Variants in C1orf94 observed in about 807,000 individuals in gnomAD.
The protein encoded by C1orf94 is uncharacterized protein C1orf94.
Under a neutral mutation model 53.6 loss-of-function variants are expected in C1orf94, and 45 were observed. The observed-to-expected ratio is 0.84, with a 90% CI of 0.66 to 1.08. C1orf94 has a LOEUF of 1.08. Ranked by LOEUF, C1orf94 falls within the 50% of genes least tolerant of loss-of-function variation. C1orf94 has a pLI of 0.00. For synonymous variants in C1orf94, 304 were observed against 296.1 expected, an observed-to-expected ratio of 1.03 and a Z score of -0.27; for missense variants, 762 against 738.9, an observed-to-expected ratio of 1.03 and a Z score of -0.36.
chr1:34,216,542 T>G (rs922200935), intron 6 of C1orf94, among the ~76,000 whole-genome samples: 1 of 151,922 alleles, frequency 6.6e-6, no homozygotes, highest in African/African-American at 2.4e-5. Flanking sequence ...CTGGGGAGTA[T>G]GCATGGGCCT....
intron 4 of C1orf94, among the ~76,000 whole-genome samples, chr1:34,204,470 A>T (rs1333212929): frequency 6.6e-6 from 1 of 152,142 alleles, no homozygotes; most frequent in Non-Finnish European, 1.5e-5. Flanking sequence ...TCATATTAGT[A>T]GTCTATTGTC....
intron 1 of C1orf94, among the ~76,000 whole-genome samples, chr1:34,168,018 TACAC>T (rs1172924186): frequency 6.6e-6 from 1 of 152,112 alleles, no homozygotes; most frequent in Non-Finnish European, 1.5e-5. Context: ...TGTATACAAA[TACAC>T]ATAAAGTTAC....
At chr1:34,184,908 G>A (rs966345729) in intron 1 of C1orf94, among the ~76,000 whole-genome samples, 10 of 151,988 alleles carry the variant, frequency 6.6e-5, no homozygotes, top group African/African-American at 2.4e-4. Context: ...ACTCAGATAC[G>A]GAAACTCAGG....
chr1:34,218,721 G>T lies in C1orf94; in HGVS notation c.1757G>T (p.Ser586Ile). 6.2e-7 allele frequency: 1 copy of T among 1,612,566 alleles called. No homozygotes were observed. Among genetic ancestry groups the T allele is most frequent in the Non-Finnish European group, 8.5e-7 (1 of 1,179,050 alleles). ...GSTSGGPLMH[S>I]PYFSSSGNGI... ...ACATCCGGAGGGCCCTTGATGCACAGCCCCTATTTTTCTTCCAGTGGGAAT... is the reference window on the plus strand; with the variant it reads ...ACATCCGGAGGGCCCTTGATGCACATCCCCTATTTTTCTTCCAGTGGGAAT... The change falls in exon 7 of 7, where the codon AGC (serine) becomes ATC (isoleucine). Residue 586 changes from serine to isoleucine, a missense_variant. Transcript: ENST00000488417.
At position 34,212,409 on chromosome 1, in the gene C1orf94, G is replaced by A; in HGVS notation, c.1721+3G>A. Reference sequence around the variant, plus strand: ...TACCTCTTTCCCCAAGGATATGGGTGAGTCAGCCCACACTGGGAGCCTAAG... The same window carrying A: ...TACCTCTTTCCCCAAGGATATGGGTAAGTCAGCCCACACTGGGAGCCTAAG... On this transcript the variant is annotated splice_donor_region_variant and intron_variant, in intron 6 of 6. Coordinates refer to ENST00000488417, the MANE Select transcript of C1orf94 (RefSeq NM_001134734.2). 6.2e-7 allele frequency: 1 copy of A among 1,608,016 alleles called. No individual in the cohort carries two copies.
Position 34,190,039 on chromosome 1 carries a change from C to T in C1orf94, c.321-7186C>T, listed in dbSNP as rs139671121. Among the ~76,000 whole-genome samples, 768 of 152,316 alleles carry T rather than the reference C, an allele frequency of 5.0e-3. 5 individuals carry two copies. Among genetic ancestry groups the T allele is most frequent in the African/African-American group, 0.018 (728 of 41,566 alleles). ...ACATGGGCCTGGGGCCCAATTCCAC[C>T]CCAACACTTATTCTCTAGGGTCAAT... On this transcript the variant is annotated intron_variant, in intron 1 of 6. Coordinates refer to ENST00000488417, the MANE Select transcript of C1orf94 (RefSeq NM_001134734.2).
chr1:34,186,325 T>C (rs866915483), intron 1 of C1orf94, among the ~76,000 whole-genome samples: 1 of 152,178 alleles, frequency 6.6e-6, no homozygotes, highest in Non-Finnish European at 1.5e-5. Context: ...TGAAATGATA[T>C]ATGTAGAGCT....
At chr1:34,171,394 C>T (rs571689990) in intron 1 of C1orf94, among the ~76,000 whole-genome samples, 18 of 152,230 alleles carry the variant, frequency 1.2e-4, no homozygotes, top group African/African-American at 4.3e-4. Context: ...TTTGTCAGTG[C>T]CATTCAGAGT....
intron 1 of C1orf94, among the ~76,000 whole-genome samples, chr1:34,189,188 C>A (rs762339845): frequency 4.6e-5 from 7 of 151,310 alleles, no homozygotes; most frequent in Non-Finnish European, 7.4e-5. Context: ...TATGTGTGTG[C>A]ACATGGGTGT....
intron 1 of C1orf94, among the ~76,000 whole-genome samples, chr1:34,187,425 G>T (rs569070753): frequency 4.6e-5 from 7 of 152,136 alleles, no homozygotes; most frequent in African/African-American, 1.7e-4. Flanking sequence ...CATGATTAAC[G>T]TCCCACTTCC....
chr1:34,180,578 G>T (rs991451897), intron 1 of C1orf94, among the ~76,000 whole-genome samples: 2 of 152,212 alleles, frequency 1.3e-5, no homozygotes, highest in Non-Finnish European at 2.9e-5. Flanking sequence ...ACCCAAGACC[G>T]CCTTGGCCCT....
chr1:34,200,784 G>A lies in C1orf94; in HGVS notation c.1022G>A (p.Gly341Asp), dbSNP rs747349040. The stretch of plus-strand genomic sequence containing the variant: ...TTTCCTGCTACAGAATGGAGCCCTG[G>A]CACCAAGGAGCCAAAAAAGGGTCAA... ...ERHHLMEWSP[G>D]TKEPKKGQGS... The change falls in exon 3 of 7, where the codon GGC (glycine) becomes GAC (aspartate). Residue 341 changes from glycine to aspartate, a missense_variant. By Grantham distance (94) the Gly-to-Asp change is moderately conservative (BLOSUM62 -1). Transcript: ENST00000488417. 3.1e-6 allele frequency: 5 copies of A among 1,613,990 alleles called. No homozygotes were observed. In the East Asian group the frequency reaches 1.1e-4, roughly 36 times the overall value.
intron 1 of C1orf94, among the ~76,000 whole-genome samples, chr1:34,181,802 A>C (rs1489863288): frequency 2.0e-5 from 3 of 152,218 alleles, no homozygotes; most frequent in Non-Finnish European, 4.4e-5. Flanking sequence ...CTGGGTGTCA[A>C]GGAAGGCTTC....
intron 1 of C1orf94, among the ~76,000 whole-genome samples, chr1:34,184,834 G>GTT (rs897127185): frequency 6.8e-6 from 1 of 147,750 alleles, no homozygotes; most frequent in Admixed American, 6.8e-5. Flanking sequence ...GTTTTTTTTG[G>GTT]TTTTTTTTTT....
intron 1 of C1orf94, among the ~76,000 whole-genome samples, chr1:34,195,812 G>A (rs531492861): frequency 8.6e-5 from 13 of 151,156 alleles, no homozygotes; most frequent in East Asian, 3.9e-4. Context: ...GTGTGTGTGC[G>A]TTTGTACACA....
intron 1 of C1orf94, among the ~76,000 whole-genome samples, chr1:34,193,834 C>T (rs761456715): frequency 9.9e-5 from 15 of 152,192 alleles, no homozygotes; most frequent in Admixed American, 7.9e-4. Flanking sequence ...GGATATCCTG[C>T]GGCAACCTTT....
At chr1:34,189,606 G>A (rs2148614903) in intron 1 of C1orf94, among the ~76,000 whole-genome samples, 2 of 150,194 alleles carry the variant, frequency 1.3e-5, no homozygotes, top group East Asian at 3.9e-4. Flanking sequence ...GTGCCCACCG[G>A]CCTTGGCCTG....
In C1orf94 at chr1:34,202,252, A is replaced by T; in HGVS notation, c.1439A>T (p.Gln480Leu). The change falls in exon 4 of 7, where the codon CAG becomes CTG. Residue 480 changes from glutamine (Q) to leucine (L), a missense_variant. Transcript: ENST00000488417. ...TTCACGAATCACTCTACCTTCTTGC[A>T]GTATCAGGTCAGTGAGCTGGCCTGG... is the stretch of plus-strand genomic sequence containing the variant. Reference protein sequence around the residue: ...PVFTNHSTFLQYQGLYPQQAA... With the variant: ...PVFTNHSTFLLYQGLYPQQAA... The T allele has an allele frequency of 6.2e-7, 1 of 1,614,048 alleles. No individual in the cohort carries two copies. Among genetic ancestry groups the T allele is most frequent in the South Asian group, 1.1e-5 (1 of 91,034 alleles).
intron 4 of C1orf94, among the ~76,000 whole-genome samples, chr1:34,206,565 A>C (rs1642797702): frequency 6.6e-6 from 1 of 152,236 alleles, no homozygotes; most frequent in African/African-American, 2.4e-5. Context: ...ACACATAGAA[A>C]CAGAAACAGG....
Sources: gnomAD v4.1 joint callset for allele counts (sites outside exome capture counted in the v4.1 genomes callset) on GRCh38, gnomAD v4.1.1 for gene constraint, MANE v1.5 for transcripts, NCBI Gene and HGNC (gene_info 2026-07-23, HGNC 2026-07-21) for gene names.